Variants in MARVELD2 observed in about 807,000 individuals in gnomAD.
MARVELD2 encodes MARVEL domain containing 2, also known as MARVEL domain-containing protein 2.
Under a neutral mutation model 57.6 loss-of-function variants are expected in MARVELD2, and 49 were observed. The ratio of observed to expected loss-of-function variants is 0.85; its 90% confidence interval spans 0.68 to 1.08. MARVELD2 has a LOEUF of 1.08. MARVELD2 is among the 50% of genes least tolerant of loss of function. The probability of loss-of-function intolerance (pLI) is 0.00; values close to 1 mark genes in which losing one functional copy is unlikely to be tolerated. For missense variants in MARVELD2, 606 were observed against 701.1 expected, an observed-to-expected ratio of 0.86 and a Z score of 1.53; for synonymous variants, 238 against 258.8, an observed-to-expected ratio of 0.92 and a Z score of 0.77.
At chr5:69,433,399 G>A (rs998457320) in intron 5 of MARVELD2, among the ~76,000 whole-genome samples, 4 of 150,976 alleles carry the variant, frequency 2.6e-5, no homozygotes, top group South Asian at 4.2e-4. Flanking sequence ...TGATCCACCT[G>A]CCTTGGCCTC....
chr5:69,417,429 A>G (rs932232090), intron 1 of MARVELD2, among the ~76,000 whole-genome samples: 1 of 151,330 alleles, frequency 6.6e-6, no homozygotes, highest in African/African-American at 2.4e-5. Context: ...GGTGCAAGGC[A>G]GGTTAAATGA....
rs1767391593 is a variant in MARVELD2 at position 69,443,805 on chromosome 5, G to A, written c.*2151G>A. The A allele has an allele frequency of 6.6e-6, 1 of 151,774 alleles. No homozygotes were observed. The highest frequency in any genetic ancestry group is 6.6e-5 in the Admixed American group (1 of 15,224). 9.4% of individuals were successfully genotyped at this position (151,774 alleles called of 1,614,324 possible). A position where few individuals can be genotyped will look rare whatever the true frequency, so the allele number is the denominator to read the frequency against. On this transcript the variant is annotated 3_prime_UTR_variant, in exon 7 of 7. Coordinates refer to ENST00000325631, the MANE Select transcript of MARVELD2 (RefSeq NM_001038603.3). ...GTTGTGGTCACTGAATGCACTCCCT[G>A]GTTTTTATTTGTCAGTGAAATCTTT...
chr5:69,438,772 G>C (rs1031082882), intron 5 of MARVELD2, among the ~76,000 whole-genome samples: 5 of 151,892 alleles, frequency 3.3e-5, no homozygotes, highest in African/African-American at 1.2e-4. Context: ...TGTAATCCCA[G>C]CTACTCGGGA....
chr5:69,424,693 G>T, intron 3 of MARVELD2, 57 bp downstream of exon 3: 1 of 1,359,378 alleles, frequency 7.4e-7, no homozygotes, highest in East Asian at 2.3e-5. Flanking sequence ...TTTTCTCTTA[G>T]GTCTGTTTAT....
chr5:69,427,739 C>G (rs560193088), intron 3 of MARVELD2, among the ~76,000 whole-genome samples: 2 of 152,172 alleles, frequency 1.3e-5, no homozygotes, highest in African/African-American at 2.4e-5. Flanking sequence ...TGGCCTTTCC[C>G]GTGCTGGAGC....
intron 3 of MARVELD2, among the ~76,000 whole-genome samples, 195 bp from the exon 4 acceptor site, chr5:69,432,332 G>A (rs777556269): frequency 6.6e-6 from 1 of 152,002 alleles, no homozygotes; most frequent in Non-Finnish European, 1.5e-5. Context: ...ATAGAGACAG[G>A]GTCTTGCCAT....
chr5:69,422,527 A>G (rs1222244438), intron 2 of MARVELD2, among the ~76,000 whole-genome samples: 1 of 152,170 alleles, frequency 6.6e-6, no homozygotes, highest in Admixed American at 6.5e-5. Context: ...TTTTGGTCAG[A>G]CCAGTTGTCT....
chr5:69,443,410 G>C lies in MARVELD2; in HGVS notation c.*1756G>C, dbSNP rs1434996359. ...AGACAGGATTTCACTATGTTGGCCA[G>C]GTTGGTCTCAAGCTCCTGACCTCAG... is the stretch of plus-strand genomic sequence containing the variant. On this transcript the variant is annotated 3_prime_UTR_variant, in exon 7 of 7. Coordinates refer to ENST00000325631, the MANE Select transcript of MARVELD2 (RefSeq NM_001038603.3). The C allele has an allele frequency of 6.6e-6, 1 of 152,128 alleles. No individual in the cohort carries two copies. The highest frequency in any genetic ancestry group is 6.6e-5 in the Admixed American group (1 of 15,242). 9.4% of individuals were successfully genotyped at this position (152,128 alleles called of 1,614,324 possible). A position where few individuals can be genotyped will look rare whatever the true frequency, so the allele number is the denominator to read the frequency against.
At chr5:69,435,950 T>G (rs1341630507) in intron 5 of MARVELD2, among the ~76,000 whole-genome samples, 1 of 152,084 alleles carries the variant, frequency 6.6e-6, no homozygotes, top group African/African-American at 2.4e-5. Flanking sequence ...CATCCATATT[T>G]TAGCATAAGT....
intron 3 of MARVELD2, among the ~76,000 whole-genome samples, chr5:69,426,749 A>G (rs1766806547): frequency 6.6e-6 from 1 of 152,228 alleles, no homozygotes; most frequent in Non-Finnish European, 1.5e-5. Flanking sequence ...GGCTGAGGGC[A>G]GCCGCAAACT....
At chr5:69,441,489 G>T in intron 6 of MARVELD2, 43 bp from the exon 7 acceptor site, 1 of 1,598,996 alleles carries the variant, frequency 6.3e-7, no homozygotes, top group South Asian at 1.1e-5. Flanking sequence ...GTTTTTCACT[G>T]AGGAAGCCAG....
At chr5:69,425,849 C>T (rs1408355240) in intron 3 of MARVELD2, among the ~76,000 whole-genome samples, 1 of 151,812 alleles carries the variant, frequency 6.6e-6, no homozygotes, top group Non-Finnish European at 1.5e-5. Flanking sequence ...CTGCCTCAGC[C>T]TCCCGAGTAG....
At chr5:69,423,644 T>C (rs1456843384) in intron 2 of MARVELD2, among the ~76,000 whole-genome samples, 1 of 152,048 alleles carries the variant, frequency 6.6e-6, no homozygotes. Flanking sequence ...CTATATATTT[T>C]AAATTTTTTG....
chr5:69,441,429 A>G (rs1767321956), intron 6 of MARVELD2, 103 bp from the exon 7 acceptor site: 1 of 1,334,326 alleles, frequency 7.5e-7, no homozygotes, highest in Non-Finnish European at 1.0e-6. Context: ...TCTGCTGTAG[A>G]GACTTTTGCT....
chr5:69,433,198 C>G (rs559675211), intron 5 of MARVELD2, 105 bp downstream of exon 5: 1 of 1,157,264 alleles, frequency 8.6e-7, no homozygotes, highest in South Asian at 1.4e-5. Context: ...GAGTCTTGTT[C>G]TGTTGCCAGG....
intron 1 of MARVELD2, 62 bp from the exon 2 acceptor site, chr5:69,419,306 TAAA>T: frequency 6.6e-7 from 1 of 1,521,328 alleles, no homozygotes; most frequent in South Asian, 1.2e-5. Context: ...ACTACATGAA[TAAA>T]ATCAGCATCA....
At chr5:69,433,172 T>A in intron 5 of MARVELD2, 79 bp downstream of exon 5, 1 of 1,437,016 alleles carries the variant, frequency 7.0e-7, no homozygotes, top group Non-Finnish European at 9.5e-7. Context: ...TTTTTTTTTT[T>A]TTTTTCTGTG....
At chr5:69,425,768 G>A (rs1246319480) in intron 3 of MARVELD2, among the ~76,000 whole-genome samples, 3 of 146,100 alleles carry the variant, frequency 2.1e-5, no homozygotes, top group African/African-American at 7.6e-5. Flanking sequence ...AGTCTCTGTC[G>A]CCCAGGCTGG....
chr5:69,428,395 T>TCTGAGGC lies in MARVELD2; in HGVS notation c.1182+3759_1182+3760insCTGAGGC, dbSNP rs1766863035. Among the ~76,000 whole-genome samples the TCTGAGGC allele has an allele frequency of 1.9e-5, 2 of 107,920 alleles. 1 individual carries two copies. Among genetic ancestry groups the TCTGAGGC allele is most frequent in the African/African-American group, 6.8e-5 (2 of 29,592 alleles). 70.8% of individuals were successfully genotyped at this position (107,920 alleles called of 152,430 possible). On this transcript the variant is annotated intron_variant, in intron 3 of 6. Coordinates refer to ENST00000325631, the MANE Select transcript of MARVELD2 (RefSeq NM_001038603.3). ...GCGCAAGCCTGTAATCCCAGCTACTTGGGAGACTGAGGCGGGAGAATGACT... is the reference window on the plus strand; with the variant it reads ...GCGCAAGCCTGTAATCCCAGCTACTTCTGAGGCGGGAGACTGAGGCGGGAGAATGACT...
Sources: allele counts gnomAD v4.1 joint callset (sites outside exome capture counted in the v4.1 genomes callset), GRCh38; gene constraint gnomAD v4.1.1; transcripts MANE v1.5; gene names NCBI Gene and HGNC (gene_info 2026-07-23, HGNC 2026-07-21).